DNM2: variants seen among roughly 807,000 people sequenced by gnomAD.
DNM2 encodes the protein dynamin-2.
DNM2 carries 15 observed loss-of-function variants against 99.0 expected under a neutral mutation model. The observed-to-expected ratio is 0.15, with a 90% CI of 0.10 to 0.23. The LOEUF is 0.23. DNM2 is among the 10% of genes least tolerant of loss of function. The probability of loss-of-function intolerance (pLI) is 1.00; values close to 1 mark genes in which losing one functional copy is unlikely to be tolerated. For synonymous variants in DNM2, 525 were observed against 481.2 expected, an observed-to-expected ratio of 1.09 and a Z score of -1.19; for missense variants, 742 against 1,189.4, an observed-to-expected ratio of 0.62 and a Z score of 5.53.
intron 1 of DNM2, among the ~76,000 whole-genome samples, chr19:10,721,710 G>A (rs1334748566): frequency 6.6e-6 from 1 of 152,180 alleles, no homozygotes; most frequent in Admixed American, 6.6e-5. Flanking sequence ...CGCCGAGCCT[G>A]GATTTTCTAA....
rs121909090 is a variant in DNM2, at chr19:10,793,832, C to T, written c.1105C>T (p.Arg369Trp). The change falls in exon 8 of 21, where the codon CGG becomes TGG. Residue 369 changes from arginine (R) to tryptophan (W), a missense_variant. Around this residue, in one of 7 missense-constraint regions of DNM2, gnomAD observed 13 missense variants for 61.3 expected, o/e 0.21. Coordinates refer to ENST00000389253, the MANE Select transcript of DNM2 (RefSeq NM_001005361.3). ...GARINRIFHE[R>W]FPFELVKMEF... ...CCGAATCAATCGCATCTTCCACGAG[C>T]GGTTCCCATTTGAGCTGGTGAAGGT... The T allele has an allele frequency of 1.2e-6, 2 of 1,614,062 alleles. No individual in the cohort carries two copies. The highest frequency in any genetic ancestry group is 1.3e-5 in the African/African-American group (1 of 74,912).
intron 12 of DNM2, chr19:10,803,776 A>C (rs1280858036): frequency 1.2e-6 from 1 of 830,460 alleles, no homozygotes. Context: ...CTGAAGAGCT[A>C]CGGGGTGCTC....
chr19:10,765,183 C>T lies in DNM2; in HGVS notation c.235+5372C>T, dbSNP rs1356723329. 6.6e-6 allele frequency among the ~76,000 whole-genome samples: 1 copy of T among 152,168 alleles called. No homozygotes were observed. Among genetic ancestry groups the T allele is most frequent in the Non-Finnish European group, 1.5e-5 (1 of 68,038 alleles). ...CCGTGTTAGCCAGGATGGTCTCGAT[C>T]TCCTGACCTCGTGATCCGCCCACCT... is the stretch of plus-strand genomic sequence containing the variant. On this transcript the variant is annotated intron_variant, in intron 2 of 20. Coordinates refer to ENST00000389253, the MANE Select transcript of DNM2 (RefSeq NM_001005361.3). The surrounding 1 kb of genome is among the most constrained non-coding windows in gnomAD (Gnocchi z 4.4).
intron 16 of DNM2, among the ~76,000 whole-genome samples, chr19:10,822,646 G>A (rs1016795326): frequency 5.9e-5 from 9 of 152,042 alleles, no homozygotes; most frequent in African/African-American, 2.2e-4. Context: ...TTACAGGCAT[G>A]CAGTACCACT....
Position 10,829,195 on chromosome 19 carries a change from A to G in DNM2, c.2218A>G (p.Ser740Gly). The change falls in exon 19 of 21, where the codon AGC becomes GGC. Residue 740 changes from serine (S) to glycine (G), a missense_variant. Ser to Gly is a moderately conservative substitution (Grantham distance 56, BLOSUM62 0). Coordinates refer to ENST00000389253, the MANE Select transcript of DNM2 (RefSeq NM_001005361.3). The part of the protein sequence containing the change: ...KEALNIIGDI[S>G]TSTVSTPVPP... ...GGCGCTCAACATCATCGGTGACATCAGCACCAGCACTGTGTCCACGCCTGT... is the reference window on the plus strand; with the variant it reads ...GGCGCTCAACATCATCGGTGACATCGGCACCAGCACTGTGTCCACGCCTGT... 1 of 1,614,022 alleles carries G rather than the reference A, an allele frequency of 6.2e-7. No individual in the cohort carries two copies. Among genetic ancestry groups the G allele is most frequent in the Non-Finnish European group, 8.5e-7 (1 of 1,180,034 alleles).
At position 10,817,653 on chromosome 19, in the gene DNM2, C is replaced by A. The variant is rs2072800797; in HGVS notation, c.1672-2327C>A. Among the ~76,000 whole-genome samples, 1 of 151,580 alleles carries A rather than the reference C, an allele frequency of 6.6e-6. No homozygotes were observed. Among genetic ancestry groups the A allele is most frequent in the South Asian group, 2.1e-4 (1 of 4,806 alleles). On this transcript the variant is annotated intron_variant, in intron 15 of 20. Coordinates refer to ENST00000389253, the MANE Select transcript of DNM2 (RefSeq NM_001005361.3). This position sits in a 1 kb window ranked among gnomAD's most constrained non-coding sequence, Gnocchi z 4.6. ...ACGTGGCAAGGCTGGGGCCGGCTCG[C>A]ATCTGGAGAAAGTTCTGGGTTTTCA...
chr19:10,789,320 G>A (rs1302547026), intron 7 of DNM2, among the ~76,000 whole-genome samples: 1 of 152,174 alleles, frequency 6.6e-6, no homozygotes, highest in East Asian at 1.9e-4. Context: ...GGTGACCACA[G>A]GCAGGTGATT....
intron 16 of DNM2, 141 bp from the exon 17 acceptor site, chr19:10,823,647 C>T: frequency 1.3e-6 from 1 of 747,430 alleles, no homozygotes; most frequent in Non-Finnish European, 2.4e-6. Context: ...CACGGTGACC[C>T]CTCAGCATGA....
intron 19 of DNM2, among the ~76,000 whole-genome samples, chr19:10,829,529 G>A (rs1441313214): frequency 6.6e-6 from 1 of 152,200 alleles, no homozygotes; most frequent in Non-Finnish European, 1.5e-5. Context: ...CATTGGCACA[G>A]CCCAAATGGA....
chr19:10,794,643 G>A (rs1234814598), intron 8 of DNM2, among the ~76,000 whole-genome samples: 2 of 151,826 alleles, frequency 1.3e-5, no homozygotes, highest in Non-Finnish European at 2.9e-5. Context: ...TTGGGAAGCT[G>A]AGGTAGGAGA....
Position 10,811,347 on chromosome 19 carries a change from T to C in DNM2, c.1558-917T>C, listed in dbSNP as rs1429996188. ...GCCCCTCCAGAGGACCGCCCCCGAC[T>C]AGGACAGCATCTGGGCCCCAGAGGG... On this transcript the variant is annotated intron_variant, in intron 14 of 20. Transcript: ENST00000389253. The surrounding 1 kb of genome is among the most constrained non-coding windows in gnomAD (Gnocchi z 5.4). 4.1e-6 allele frequency: 1 copy of C among 243,742 alleles called. No individual in the cohort carries two copies. 15.1% of individuals were successfully genotyped at this position (243,742 alleles called of 1,614,324 possible). A position where few individuals can be genotyped will look rare whatever the true frequency, so the allele number is the denominator to read the frequency against.
Position 10,830,227 on chromosome 19 carries a change from G to T in DNM2, c.2392G>T (p.Val798Leu). ...AGGGCCCCCCCTGATTCCTGTTCCC[G>T]TGGGGGCAGCAGCCTCCTTCTCGGC... ...TPGPPLIPVP[V>L]GAAASFSAPP... Residue 798 changes from valine (V) to leucine (L), a missense_variant, in exon 20 of 21, where the codon GTG (valine) becomes TTG (leucine). This residue lies in a region of DNM2 where 187 missense variants were observed against 218.8 expected (regional missense o/e 0.85). Transcript: ENST00000389253. This position sits in a 1 kb window ranked among gnomAD's most constrained non-coding sequence, Gnocchi z 4.8. 1 of 1,613,900 alleles carries T rather than the reference G, an allele frequency of 6.2e-7. No homozygotes were observed. The highest frequency in any genetic ancestry group is 8.5e-7 in the Non-Finnish European group (1 of 1,179,890).
intron 1 of DNM2, among the ~76,000 whole-genome samples, chr19:10,751,883 C>T (rs1005503709): frequency 5.3e-5 from 8 of 152,260 alleles, no homozygotes; most frequent in Non-Finnish European, 1.2e-4. Flanking sequence ...AGCAATTTTA[C>T]TTCTGTACAG....
In DNM2 at chr19:10,720,522, C is replaced by G. The variant is rs142833785; in HGVS notation, c.161+2119C>G. 6.4e-3 allele frequency among the ~76,000 whole-genome samples: 973 copies of G among 152,022 alleles called. 19 individuals carry two copies. The highest frequency in any genetic ancestry group is 0.022 in the African/African-American group (925 of 41,482). Reference sequence around the variant, plus strand: ...GCCACCAAGCCTCGCCCCAGGAGTTCCAAGACCAGCCTGGGTAACATGACA... The same window carrying G: ...GCCACCAAGCCTCGCCCCAGGAGTTGCAAGACCAGCCTGGGTAACATGACA... On this transcript the variant is annotated intron_variant, in intron 1 of 20. Coordinates refer to ENST00000389253, the MANE Select transcript of DNM2 (RefSeq NM_001005361.3).
intron 1 of DNM2, among the ~76,000 whole-genome samples, chr19:10,726,721 G>T (rs559812811): frequency 6.6e-6 from 1 of 152,134 alleles, no homozygotes; most frequent in African/African-American, 2.4e-5. Flanking sequence ...AAAATTAGCC[G>T]GGCGTGGTGG....
At chr19:10,759,849 T>C (rs1568283915) in intron 2 of DNM2, 38 bp downstream of exon 2, 1 of 1,613,438 alleles carries the variant, frequency 6.2e-7, no homozygotes, top group Non-Finnish European at 8.5e-7. Flanking sequence ...AGGAAGTGGA[T>C]GTGGATGTGT....
At chr19:10,733,982 T>C (rs1001293159) in intron 1 of DNM2, among the ~76,000 whole-genome samples, 3 of 150,772 alleles carry the variant, frequency 2.0e-5, no homozygotes, top group Non-Finnish European at 4.4e-5. Context: ...TACTTCAGCC[T>C]GGACAACAAA....
chr19:10,831,323 T>C lies in DNM2; in HGVS notation c.*276T>C. 1 of 1,235,398 alleles carries C rather than the reference T, an allele frequency of 8.1e-7. No individual in the cohort carries two copies. The highest frequency in any genetic ancestry group is 1.0e-6 in the Non-Finnish European group (1 of 986,970). The allele number at this position is 1,235,398 out of a possible 1,614,324, so 76.5% of individuals were successfully genotyped here. A position where few individuals can be genotyped will look rare whatever the true frequency, so the allele number is the denominator to read the frequency against. On this transcript the variant is annotated 3_prime_UTR_variant, in exon 21 of 21. Transcript: ENST00000389253. The surrounding 1 kb of genome is among the most constrained non-coding windows in gnomAD (Gnocchi z 4.3). ...GTGGCAGAGGGGGGACCAGAACCCT[T>C]GACACCATCCTGAATGAGGGGTCCA...
intron 17 of DNM2, chr19:10,824,821 CAAA>C (rs1237632013): frequency 3.6e-5 from 21 of 588,612 alleles, no homozygotes; most frequent in Non-Finnish European, 3.0e-6. Flanking sequence ...AAAAACAAAA[CAAA>C]AAAACAACGT....
Sources: allele counts gnomAD v4.1 joint callset (sites outside exome capture counted in the v4.1 genomes callset), GRCh38; gene constraint gnomAD v4.1.1; regional missense constraint gnomAD v4.1.1; non-coding constraint Gnocchi (gnomAD v3.1); transcripts MANE v1.5; gene names NCBI Gene and HGNC (gene_info 2026-07-23, HGNC 2026-07-21).